Variants in FAM76B observed in about 807,000 individuals in gnomAD.
The protein encoded by FAM76B is family with sequence similarity 76 member B.
FAM76B carries 16 observed loss-of-function variants against 51.8 expected under a neutral mutation model. That is an observed-to-expected ratio of 0.31 (90% CI 0.21 to 0.47). The LOEUF is 0.47. FAM76B is among the 20% of genes least tolerant of loss of function. FAM76B has a pLI of 1.00. For synonymous variants in FAM76B, 166 were observed against 129.5 expected (o/e 1.28, Z -1.91); for missense variants, 342 against 392.6 (o/e 0.87, Z 1.09).
Position 95,775,898 on chromosome 11 carries a change from TTTTACG to T in FAM76B, c.930+18_930+23del. ...CAAGTTTAGCCCTTCTTGCCTATCA[TTTTACG>T]TAAATGATGGTAGTTACCTGAAGTT... On this transcript the variant is annotated intron_variant, in intron 9 of 9. Coordinates refer to ENST00000358780, the MANE Select transcript of FAM76B (RefSeq NM_144664.5). 6.7e-7 allele frequency: 1 copy of T among 1,489,982 alleles called. No homozygotes were observed. Among genetic ancestry groups the T allele is most frequent in the South Asian group, 1.3e-5 (1 of 77,742 alleles). 92.3% of individuals were successfully genotyped at this position (1,489,982 alleles called of 1,614,324 possible).
chr11:95,783,319 A>C, intron 4 of FAM76B, 55 bp from the exon 5 acceptor site: 1 of 1,530,328 alleles, frequency 6.5e-7, no homozygotes, highest in South Asian at 1.2e-5. Flanking sequence ...CTGTAAACGA[A>C]ACCAGGTAAG....
chr11:95,785,643 G>T (rs1374673576), intron 4 of FAM76B, among the ~76,000 whole-genome samples: 1 of 152,178 alleles, frequency 6.6e-6, no homozygotes. Flanking sequence ...TGTGAATGCT[G>T]ATCGGCAAAG....
rs912098191 is a variant in FAM76B, at chr11:95,771,124, C to G, written c.*437G>C. 1 of 151,698 alleles carries G rather than the reference C, an allele frequency of 6.6e-6. No homozygotes were observed. Among genetic ancestry groups the G allele is most frequent in the African/African-American group, 2.4e-5 (1 of 41,348 alleles). 9.4% of individuals were successfully genotyped at this position (151,698 alleles called of 1,614,324 possible). On this transcript the variant is annotated 3_prime_UTR_variant, in exon 10 of 10. Coordinates refer to ENST00000358780, the MANE Select transcript of FAM76B (RefSeq NM_144664.5). ...ACACAATTCCCAAAAAACCAGTGTT[C>G]GCCATTTTTCGAGTTTAAAAGTTTT...
chr11:95,788,403 A>T (rs1295684288), intron 2 of FAM76B, 96 bp downstream of exon 2: 1 of 1,033,064 alleles, frequency 9.7e-7, no homozygotes, highest in South Asian at 1.4e-5. Flanking sequence ...ACCATTTTTT[A>T]AAAATACTTT....
At position 95,779,581 on chromosome 11, in the gene FAM76B, A is replaced by G. The variant is rs144190231; in HGVS notation, c.692+26T>C. On this transcript the variant is annotated intron_variant, in intron 7 of 9. Transcript: ENST00000358780. ...AACTATTCAACTAAGTTGAATTTTC[A>G]TAACACTAAAAGAATTCATTTTTAC... 4.4e-4 allele frequency: 701 copies of G among 1,575,790 alleles called. 3 individuals carry two copies. In the East Asian group the frequency reaches 0.011, roughly 25 times the overall value.
At chr11:95,778,799 G>C in intron 8 of FAM76B, 23 bp downstream of exon 8, 1 of 1,575,600 alleles carries the variant, frequency 6.3e-7, no homozygotes, top group East Asian at 2.2e-5. Context: ...CTCTTACCAG[G>C]CTTCAATGAA....
At chr11:95,772,608 T>C (rs1370656422) in intron 9 of FAM76B, among the ~76,000 whole-genome samples, 2 of 151,294 alleles carry the variant, frequency 1.3e-5, no homozygotes, top group East Asian at 3.9e-4. Context: ...TAAAAAGATA[T>C]CCTCTGACTT....
rs1437485211 is a variant in FAM76B, at chr11:95,776,131, T to C, written c.829-108A>G. Reference sequence around the variant, plus strand: ...CACATTTCATTACAAAAGTAGAAGATGTTAACTGCAGTTTCCTGAATTGTA... The same window carrying C: ...CACATTTCATTACAAAAGTAGAAGACGTTAACTGCAGTTTCCTGAATTGTA... On this transcript the variant is annotated intron_variant, in intron 8 of 9. Transcript: ENST00000358780. 21 of 548,392 alleles carry C rather than the reference T, an allele frequency of 3.8e-5. No individual in the cohort carries two copies. The East Asian group carries it at 6.8e-4, about 18-fold the overall frequency. The allele number at this position is 548,392 out of a possible 1,614,324, so 34.0% of individuals were successfully genotyped here.
intron 7 of FAM76B, chr11:95,779,320 G>C (rs1860149227): frequency 2.0e-6 from 1 of 512,748 alleles, no homozygotes; most frequent in Non-Finnish European, 3.3e-6. Context: ...ATCACAATTA[G>C]ATTTGTGTTT....
Position 95,789,743 on chromosome 11 carries a change from C to T in FAM76B, c.-265G>A, listed in dbSNP as rs536058236. On this transcript the variant is annotated 5_prime_UTR_variant, in exon 1 of 10. Transcript: ENST00000358780. The stretch of plus-strand genomic sequence containing the variant: ...CCGATAGCGGCGGAGGGAGACGAAG[C>T]GGGTAGGGGGTTGCTGTTTAGCTGT... 7.8e-4 allele frequency: 360 copies of T among 460,698 alleles called. 3 individuals carry two copies. The highest frequency in any genetic ancestry group is 6.3e-3 in the African/African-American group (301 of 48,054). 28.5% of individuals were successfully genotyped at this position (460,698 alleles called of 1,614,324 possible). A position where few individuals can be genotyped will look rare whatever the true frequency, so the allele number is the denominator to read the frequency against.
At chr11:95,784,121 G>C (rs996664956) in intron 4 of FAM76B, among the ~76,000 whole-genome samples, 1 of 152,152 alleles carries the variant, frequency 6.6e-6, no homozygotes, top group Non-Finnish European at 1.5e-5. Context: ...ACAAGAACAA[G>C]ATCATGTCCC....
chr11:95,773,141 A>G (rs1475361889), intron 9 of FAM76B, among the ~76,000 whole-genome samples: 1 of 151,148 alleles, frequency 6.6e-6, no homozygotes, highest in Non-Finnish European at 1.5e-5. Flanking sequence ...AATTATCAAG[A>G]AATAAAGTGT....
intron 1 of FAM76B, 90 bp downstream of exon 1, chr11:95,789,302 G>A (rs1860838224): frequency 1.4e-6 from 2 of 1,392,228 alleles, no homozygotes; most frequent in East Asian, 2.5e-5. Flanking sequence ...TGAGGCGCCG[G>A]CGAAGAGGGG....
At position 95,769,257 on chromosome 11, in the gene FAM76B, A is replaced by G. The variant is rs1382647870; in HGVS notation, c.*2304T>C. 6.6e-6 allele frequency: 1 copy of G among 152,342 alleles called. No individual in the cohort carries two copies. Among genetic ancestry groups the G allele is most frequent in the African/African-American group, 2.4e-5 (1 of 41,402 alleles). 9.4% of individuals were successfully genotyped at this position (152,342 alleles called of 1,614,324 possible). ...TCTCCTTACAGGTCCACATTTAAAG[A>G]ATATCAGTTTATTATGTCAAAACAC... On this transcript the variant is annotated 3_prime_UTR_variant, in exon 10 of 10. Transcript: ENST00000358780.
intron 5 of FAM76B, among the ~76,000 whole-genome samples, chr11:95,780,317 A>G (rs953727302): frequency 6.6e-6 from 1 of 151,938 alleles, no homozygotes; most frequent in Non-Finnish European, 1.5e-5. Context: ...AATCTGAAGT[A>G]GAGATTCTTC....
Position 95,789,131 on chromosome 11 carries a change from C to T in FAM76B, c.87+261G>A, listed in dbSNP as rs1258709573. On this transcript the variant is annotated intron_variant, in intron 1 of 9. Coordinates refer to ENST00000358780, the MANE Select transcript of FAM76B (RefSeq NM_144664.5). Reference sequence around the variant, plus strand: ...GTGGCTGCCTCACTCAACCCCACTCCTGAGACCCCCAGACGCTGACGGGGC... The same window carrying T: ...GTGGCTGCCTCACTCAACCCCACTCTTGAGACCCCCAGACGCTGACGGGGC... The T allele has an allele frequency of 2.3e-6, 3 of 1,311,550 alleles. No homozygotes were observed. In the Admixed American group the frequency reaches 8.5e-5, roughly 37 times the overall value. 81.2% of individuals were successfully genotyped at this position (1,311,550 alleles called of 1,614,324 possible). A position where few individuals can be genotyped will look rare whatever the true frequency, so the allele number is the denominator to read the frequency against.
intron 4 of FAM76B, 109 bp from the exon 5 acceptor site, chr11:95,783,373 C>T (rs912008640): frequency 1.2e-6 from 1 of 800,100 alleles, no homozygotes; most frequent in Non-Finnish European, 2.0e-6. Flanking sequence ...GTAACATGCA[C>T]AAATGCATGT....
In FAM76B at chr11:95,782,328, C is replaced by A. The variant is rs11021316; in HGVS notation, c.563+737G>T. 1.4e-3 allele frequency among the ~76,000 whole-genome samples: 215 copies of A among 151,810 alleles called. 3 individuals carry two copies. The East Asian group carries it at 0.036, about 25-fold the overall frequency. On this transcript the variant is annotated intron_variant, in intron 5 of 9. Transcript: ENST00000358780. ...CTATAGGAGAATTTTTTTTTCCCAA[C>A]CAAATACGGATCAAAAATACAGTAT... is the stretch of plus-strand genomic sequence containing the variant.
intron 9 of FAM76B, 74 bp downstream of exon 9, chr11:95,775,848 A>G (rs1859978871): frequency 1.0e-6 from 1 of 957,812 alleles, no homozygotes; most frequent in South Asian, 2.0e-5. Flanking sequence ...ACCAATAACA[A>G]TCTAAGTCAA....
Sources: gnomAD v4.1 joint callset for allele counts (sites outside exome capture counted in the v4.1 genomes callset) on GRCh38, gnomAD v4.1.1 for gene constraint, MANE v1.5 for transcripts, NCBI Gene and HGNC (gene_info 2026-07-23, HGNC 2026-07-21) for gene names.